DLC1: variants seen among roughly 807,000 people sequenced by gnomAD.
DLC1 encodes the protein rho GTPase-activating protein 7.
Under a neutral mutation model 140.3 loss-of-function variants are expected in DLC1, and 54 were observed. The ratio of observed to expected loss-of-function variants is 0.38; its 90% CI spans 0.31 to 0.48. DLC1 has a LOEUF of 0.48. Ranked by LOEUF, DLC1 falls within the 20% of genes least tolerant of loss-of-function variation. The probability of loss-of-function intolerance (pLI) is 0.96; values close to 1 mark genes in which losing one functional copy is unlikely to be tolerated. For synonymous variants in DLC1, 986 were observed against 728.1 expected (o/e 1.35, Z -5.70); for missense variants, 2,536 against 1,907.0 (o/e 1.33, Z -6.14).
Position 13,305,314 on chromosome 8 carries a change from G to A in DLC1, c.1315-12C>T, listed in dbSNP as rs770339521. ...ATACCTTGAATAGCCTGAAAAAAAAGACACAAAAATTGTGGTATTATTAGG... is the reference window on the plus strand; with the variant it reads ...ATACCTTGAATAGCCTGAAAAAAAAAACACAAAAATTGTGGTATTATTAGG... On this transcript the variant is annotated splice_polypyrimidine_tract_variant and intron_variant, in intron 4 of 17. Coordinates refer to ENST00000276297, the MANE Select transcript of DLC1 (RefSeq NM_182643.3). The A allele has an allele frequency of 4.4e-6, 7 of 1,581,990 alleles. No homozygotes were observed. Among genetic ancestry groups the A allele is most frequent in the South Asian group, 1.2e-5 (1 of 83,412 alleles).
intron 2 of DLC1, among the ~76,000 whole-genome samples, chr8:13,441,493 T>C (rs1585113396): frequency 1.3e-5 from 2 of 152,226 alleles, no homozygotes; most frequent in Non-Finnish European, 1.5e-5. Flanking sequence ...CTTAAGCGGA[T>C]AGGCAACTTC....
upstream of DLC1, among the ~76,000 whole-genome samples, chr8:13,519,762 A>T (rs906744863): frequency 2.6e-5 from 4 of 152,206 alleles, no homozygotes; most frequent in Non-Finnish European, 4.4e-5. Context: ...AAACAAAGTT[A>T]TCTTGATAAA....
chr8:13,092,420 G>T (rs1407020205), intron 13 of DLC1, among the ~76,000 whole-genome samples, 192 bp downstream of exon 13: 3 of 152,210 alleles, frequency 2.0e-5, no homozygotes, highest in African/African-American at 7.2e-5. Flanking sequence ...AGTCCAGTGA[G>T]ACTATTTTCT....
chr8:13,422,228 T>A (rs1563333541), intron 2 of DLC1, among the ~76,000 whole-genome samples: 1 of 152,154 alleles, frequency 6.6e-6, no homozygotes, highest in Non-Finnish European at 1.5e-5. Context: ...CTCAAAGTAA[T>A]CTTTCTGTGT....
At chr8:13,191,591 C>T (rs897742181) in intron 5 of DLC1, among the ~76,000 whole-genome samples, 1 of 152,160 alleles carries the variant, frequency 6.6e-6, no homozygotes, top group Non-Finnish European at 1.5e-5. Context: ...ATTTAAGATG[C>T]CCCGAGAATT....
intron 1 of DLC1, among the ~76,000 whole-genome samples, chr8:13,501,973 C>G (rs965920114): frequency 6.6e-6 from 1 of 152,132 alleles, no homozygotes; most frequent in African/African-American, 2.4e-5. Context: ...GTAGAAAGAG[C>G]CGGCTCACTT....
chr8:13,384,088 C>T (rs925472435), intron 4 of DLC1, among the ~76,000 whole-genome samples: 58 of 152,236 alleles, frequency 3.8e-4, no homozygotes, highest in African/African-American at 1.2e-3. Context: ...CATGAGGTTG[C>T]GTTATTGTTA....
chr8:13,490,260 T>G (rs1801174359), intron 2 of DLC1, among the ~76,000 whole-genome samples: 1 of 152,216 alleles, frequency 6.6e-6, no homozygotes, highest in African/African-American at 2.4e-5. Context: ...GTGAAAAAAT[T>G]GAAGAGGTTC....
chr8:13,236,721 T>TA (rs1279584085), intron 5 of DLC1, among the ~76,000 whole-genome samples: 1 of 152,122 alleles, frequency 6.6e-6, no homozygotes, highest in Non-Finnish European at 1.5e-5. Context: ...AATTGTGTGA[T>TA]ACGTAATGAT....
In DLC1 at chr8:13,100,375, T is replaced by C. The variant is rs1410975021; in HGVS notation, c.1962A>G (p.Lys654=). ...TGGACTTGGCAGTTTTTTCGTGGCC[T>C]TTCATGCTGAAGCTGAAGCTGGACA... ...KELSSFSFSM[K]GHEKTAKSKT... Residue 654 remains lysine (K), a synonymous_variant, in exon 9 of 18, where the codon AAA becomes AAG. Transcript: ENST00000276297. The C allele has an allele frequency of 6.2e-7, 1 of 1,614,050 alleles. No individual in the cohort carries two copies.
intron 2 of DLC1, among the ~76,000 whole-genome samples, chr8:13,476,764 G>T (rs1800452718): frequency 6.6e-6 from 1 of 151,776 alleles, no homozygotes; most frequent in Non-Finnish European, 1.5e-5. Context: ...ATGTTCAACG[G>T]TAAAAAAACC....
intron 1 of DLC1, among the ~76,000 whole-genome samples, chr8:13,545,901 G>C (rs993658129): frequency 2.6e-5 from 4 of 152,008 alleles, no homozygotes; most frequent in Non-Finnish European, 4.4e-5. Flanking sequence ...AGCCTATCAC[G>C]TTAAAAATTA....
chr8:13,475,056 A>G (rs969893089), intron 2 of DLC1, among the ~76,000 whole-genome samples: 5 of 151,928 alleles, frequency 3.3e-5, no homozygotes, highest in African/African-American at 1.2e-4. Context: ...CAAGTGATCC[A>G]TCCACTTCAG....
intron 2 of DLC1, among the ~76,000 whole-genome samples, chr8:13,405,932 T>TCTTTCTTC (rs1837520072): frequency 7.3e-6 from 1 of 136,816 alleles, no homozygotes; most frequent in Non-Finnish European, 1.6e-5. Context: ...TTTCTTTCTT[T>TCTTTCTTC]CTTTCTTTCT....
intron 1 of DLC1, among the ~76,000 whole-genome samples, chr8:13,582,773 G>A (rs6985004): frequency 1.2e-4 from 18 of 149,464 alleles, no homozygotes; most frequent in South Asian, 1.1e-3. Context: ...TTGTGGATTC[G>A]GTTCTATAAT....
intron 6 of DLC1, among the ~76,000 whole-genome samples, chr8:13,111,795 C>A (rs1820136015): frequency 6.6e-6 from 1 of 151,756 alleles, no homozygotes; most frequent in Non-Finnish European, 1.5e-5. Flanking sequence ...CCCTTTGGAC[C>A]AGACCTGGGT....
chr8:13,406,782 C>T (rs1210557251), intron 2 of DLC1, among the ~76,000 whole-genome samples: 2 of 152,134 alleles, frequency 1.3e-5, no homozygotes, highest in East Asian at 3.9e-4. Flanking sequence ...GTTCTATATA[C>T]CCTCTTTAAA....
chr8:13,331,556 C>T (rs556740288), intron 4 of DLC1, among the ~76,000 whole-genome samples: 8 of 152,002 alleles, frequency 5.3e-5, no homozygotes, highest in African/African-American at 1.7e-4. Context: ...GTAATTTTGT[C>T]ACATAGCTGA....
intron 13 of DLC1, among the ~76,000 whole-genome samples, chr8:13,092,001 C>T (rs1002550502): frequency 2.6e-5 from 4 of 152,202 alleles, no homozygotes; most frequent in African/African-American, 9.6e-5. Context: ...AATCCCAGCA[C>T]TTTGGGAGGC....
Sources: gnomAD v4.1 joint callset for allele counts (sites outside exome capture counted in the v4.1 genomes callset) on GRCh38, gnomAD v4.1.1 for gene constraint, MANE v1.5 for transcripts, NCBI Gene and HGNC (gene_info 2026-07-23, HGNC 2026-07-21) for gene names.